Variants in LRMDA observed in about 807,000 individuals in gnomAD.
LRMDA encodes leucine-rich melanocyte differentiation-associated protein.
A neutral mutation model predicts 29.8 loss-of-function variants in LRMDA; 18 were observed. The ratio of observed to expected loss-of-function variants is 0.60; its 90% CI spans 0.42 to 0.90. The LOEUF (loss-of-function observed/expected upper bound fraction) is 0.90. LRMDA is among the 40% of genes least tolerant of loss of function. The pLI, the probability that LRMDA is intolerant of heterozygous loss-of-function variation, is 0.00. For missense variants in LRMDA, 273 were observed against 273.9 expected (o/e 1.00, Z 0.02); for synonymous variants, 125 against 109.4 (o/e 1.14, Z -0.89).
chr10:76,375,264 C>T (rs1418701225), intron 6 of LRMDA, among the ~76,000 whole-genome samples: 2 of 151,420 alleles, frequency 1.3e-5, no homozygotes, highest in Non-Finnish European at 2.9e-5. Flanking sequence ...TAGGATGTGA[C>T]AGAAACTCAT....
At chr10:75,756,979 G>A (rs975794804) in intron 2 of LRMDA, among the ~76,000 whole-genome samples, 56 of 152,174 alleles carry the variant, frequency 3.7e-4, no homozygotes, top group African/African-American at 1.2e-3. Context: ...GAACTATAGT[G>A]CATTGTGACT....
At chr10:76,032,513 G>A (rs1037152469) in intron 2 of LRMDA, among the ~76,000 whole-genome samples, 29 of 152,230 alleles carry the variant, frequency 1.9e-4, no homozygotes, top group Admixed American at 4.6e-4. Context: ...AGCCCAATGC[G>A]TTGTGATGTT....
intron 2 of LRMDA, among the ~76,000 whole-genome samples, chr10:75,849,981 G>A (rs1286846770): frequency 6.6e-6 from 1 of 152,128 alleles, no homozygotes; most frequent in Non-Finnish European, 1.5e-5. Context: ...ACTTGTGGTA[G>A]CATATAAATT....
At chr10:76,539,131 G>C (rs1482096447) in intron 6 of LRMDA, among the ~76,000 whole-genome samples, 2 of 152,114 alleles carry the variant, frequency 1.3e-5, no homozygotes, top group African/African-American at 4.8e-5. Flanking sequence ...TCTTAGAAAA[G>C]CTATGAAAGG....
intron 5 of LRMDA, among the ~76,000 whole-genome samples, chr10:76,074,324 C>T (rs7092769): frequency 0.9 from 137,631 of 152,224 alleles, 62,453 homozygotes; most frequent in East Asian, 1. Context: ...ATTTGTTTTT[C>T]GGGGGGTGGG....
chr10:76,226,643 C>T (rs1851963776), intron 5 of LRMDA, among the ~76,000 whole-genome samples: 1 of 152,158 alleles, frequency 6.6e-6, no homozygotes. Flanking sequence ...ATCACTATCA[C>T]AAGAACAGCA....
At chr10:75,874,243 G>T (rs1175246482) in intron 2 of LRMDA, among the ~76,000 whole-genome samples, 1 of 152,218 alleles carries the variant, frequency 6.6e-6, no homozygotes, top group African/African-American at 2.4e-5. Flanking sequence ...AGAAGAGTTA[G>T]AGAAGACCAT....
chr10:75,669,550 T>C (rs1841865921), intron 2 of LRMDA, among the ~76,000 whole-genome samples: 1 of 152,232 alleles, frequency 6.6e-6, no homozygotes, highest in Non-Finnish European at 1.5e-5. Flanking sequence ...TGATCTGCCC[T>C]TGACAGTACT....
At chr10:75,900,895 A>G (rs1845659190) in intron 2 of LRMDA, among the ~76,000 whole-genome samples, 1 of 152,208 alleles carries the variant, frequency 6.6e-6, no homozygotes, top group African/African-American at 2.4e-5. Flanking sequence ...TCTACGCTGA[A>G]CTAGAGATAG....
intron 5 of LRMDA, among the ~76,000 whole-genome samples, chr10:76,268,196 C>T (rs991862950): frequency 3.3e-5 from 5 of 152,174 alleles, no homozygotes; most frequent in Admixed American, 6.5e-5. Context: ...CAAACCCTAA[C>T]CCTGGGAGTC....
At chr10:75,718,066 A>G (rs1842523061) in intron 2 of LRMDA, among the ~76,000 whole-genome samples, 1 of 152,152 alleles carries the variant, frequency 6.6e-6, no homozygotes, top group South Asian at 2.1e-4. Context: ...TCCTGTATAA[A>G]TGGATACTGA....
chr10:76,539,640 G>A (rs111500575), intron 6 of LRMDA, among the ~76,000 whole-genome samples: 1 of 152,276 alleles, frequency 6.6e-6, no homozygotes, highest in South Asian at 2.1e-4. Flanking sequence ...CTCATCTCAA[G>A]ATTGGAATGT....
chr10:76,485,753 G>A (rs1842777148), intron 6 of LRMDA, among the ~76,000 whole-genome samples: 2 of 151,608 alleles, frequency 1.3e-5, no homozygotes, highest in Admixed American at 6.6e-5. Context: ...TACTATTGAA[G>A]GATAACTCCA....
rs192110026 is a variant in LRMDA, at chr10:75,578,762, G to A, written c.131+140268G>A. On this transcript the variant is annotated intron_variant, in intron 2 of 6. Coordinates refer to ENST00000611255, the MANE Select transcript of LRMDA (RefSeq NM_001305581.2). ...AACGCACTCAAAACCTCACAACTACGTGGAAACTGCCTGCTCCTGAATGAC... is the reference window on the plus strand; with the variant it reads ...AACGCACTCAAAACCTCACAACTACATGGAAACTGCCTGCTCCTGAATGAC... Among the ~76,000 whole-genome samples, 29 of 151,242 alleles carry A rather than the reference G, an allele frequency of 1.9e-4. No homozygotes were observed. In the Middle Eastern group the frequency reaches 0.01, roughly 54 times the overall value.
chr10:75,968,389 G>T (rs1846904707), intron 2 of LRMDA, among the ~76,000 whole-genome samples: 3 of 152,124 alleles, frequency 2.0e-5, no homozygotes, highest in Admixed American at 1.3e-4. Flanking sequence ...TTTCACCAAG[G>T]AAGTTTTGCA....
chr10:76,280,740 T>C (rs953857506), intron 5 of LRMDA, among the ~76,000 whole-genome samples: 22 of 152,104 alleles, frequency 1.4e-4, no homozygotes, highest in Admixed American at 9.8e-4. Flanking sequence ...AAATGCCACC[T>C]GAAGTTGAGT....
intron 6 of LRMDA, among the ~76,000 whole-genome samples, chr10:76,545,455 A>G (rs1843408725): frequency 6.6e-6 from 1 of 151,848 alleles, no homozygotes; most frequent in African/African-American, 2.4e-5. Context: ...GGGGAAGTCC[A>G]AAGTCTTTCT....
At chr10:76,513,430 C>T (rs984578784) in intron 6 of LRMDA, among the ~76,000 whole-genome samples, 2 of 152,084 alleles carry the variant, frequency 1.3e-5, no homozygotes, top group Non-Finnish European at 2.9e-5. Flanking sequence ...TTAAATTTGA[C>T]GGTTGCTGGA....
At chr10:75,880,063 A>T (rs928854155) in intron 2 of LRMDA, among the ~76,000 whole-genome samples, 6 of 152,208 alleles carry the variant, frequency 3.9e-5, no homozygotes, top group African/African-American at 9.6e-5. Flanking sequence ...ATAATGTTTT[A>T]AAAAAATCAT....
Sources: allele counts gnomAD v4.1 joint callset (sites outside exome capture counted in the v4.1 genomes callset), GRCh38; gene constraint gnomAD v4.1.1; transcripts MANE v1.5; gene names NCBI Gene and HGNC (gene_info 2026-07-23, HGNC 2026-07-21).